The following PRR27 variants were observed in gnomAD, a reference collection of about 807,000 sequenced individuals.
The protein encoded by PRR27 is proline-rich protein 27.
Under a neutral mutation model 16.8 loss-of-function variants are expected in PRR27, and 12 were observed. The ratio of observed to expected loss-of-function variants is 0.71; its 90% CI spans 0.46 to 1.16. The LOEUF (loss-of-function observed/expected upper bound fraction) is 1.16, where lower values mean the gene tolerates loss of function less well. Among genes scored for constraint, PRR27 ranks in the 50% most tolerant of loss-of-function variants. The pLI, the probability that PRR27 is intolerant of heterozygous loss-of-function variation, is 0.00. For missense variants in PRR27, 277 were observed against 273.3 expected, an observed-to-expected ratio of 1.01 and a Z score of -0.10; for synonymous variants, 100 against 98.4, an observed-to-expected ratio of 1.02 and a Z score of -0.10.
At chr4:70,162,267 C>G (rs573394069) in intron 4 of PRR27, among the ~76,000 whole-genome samples, 99 of 152,196 alleles carry the variant, frequency 6.5e-4, no homozygotes, top group African/African-American at 2.3e-3. Context: ...TGACTGTCAG[C>G]CAAATCAAAG....
intron 2 of PRR27, among the ~76,000 whole-genome samples, chr4:70,156,587 C>G (rs1232516774): frequency 6.6e-6 from 1 of 152,176 alleles, no homozygotes; most frequent in East Asian, 1.9e-4. Flanking sequence ...TAAATTATCT[C>G]TATGAGACCA....
chr4:70,157,755 G>A (rs191512972), intron 2 of PRR27, among the ~76,000 whole-genome samples: 110 of 152,210 alleles, frequency 7.2e-4, no homozygotes, highest in Non-Finnish European at 8.8e-4. Flanking sequence ...TCTTGACCTC[G>A]TGATCCGCCC....
In PRR27 at chr4:70,156,102, CA is replaced by C. The variant is rs531298252; in HGVS notation, c.75+27del. The stretch of plus-strand genomic sequence containing the variant: ...GGTAAAACTTTTTTTTCTTTACACG[CA>C]AGTATATTTGTTTTTATCTTAAAAT... On this transcript the variant is annotated intron_variant, in intron 2 of 4. Coordinates refer to ENST00000344526, the MANE Select transcript of PRR27 (RefSeq NM_214711.4). 1.4e-4 allele frequency: 188 copies of C among 1,304,682 alleles called. 2 individuals carry two copies. In the African/African-American group the frequency reaches 2.7e-3, roughly 18 times the overall value. The allele number at this position is 1,304,682 out of a possible 1,614,324, so 80.8% of individuals were successfully genotyped here.
At chr4:70,162,107 A>G (rs1231505930) in intron 4 of PRR27, among the ~76,000 whole-genome samples, 1 of 152,200 alleles carries the variant, frequency 6.6e-6, no homozygotes, top group East Asian at 1.9e-4. Flanking sequence ...AGGCACAAAC[A>G]AACAGCTCAA....
chr4:70,166,542 C>G lies in PRR27; in HGVS notation c.*3881C>G, dbSNP rs942363254. ...TATGACACCAATAAGAACATTTTCT[C>G]TAACCATTTTGAATACGAATAACCA... On this transcript the variant is annotated 3_prime_UTR_variant, in exon 5 of 5. Transcript: ENST00000344526. 6.6e-6 allele frequency: 1 copy of G among 152,028 alleles called. No individual in the cohort carries two copies. Among genetic ancestry groups the G allele is most frequent in the African/African-American group, 2.4e-5 (1 of 41,434 alleles). The allele number at this position is 152,028 out of a possible 1,614,324, so 9.4% of individuals were successfully genotyped here.
rs903879166 is a variant in PRR27 at position 70,164,381 on chromosome 4, T to G, written c.*1720T>G. On this transcript the variant is annotated 3_prime_UTR_variant, in exon 5 of 5. Coordinates refer to ENST00000344526, the MANE Select transcript of PRR27 (RefSeq NM_214711.4). The stretch of plus-strand genomic sequence containing the variant: ...TTTTTATTTTGAAATAATTTTGTAT[T>G]TTTCCCTATATCCTACATTGGATCA... 1 of 152,174 alleles carries G rather than the reference T, an allele frequency of 6.6e-6. No homozygotes were observed. Among genetic ancestry groups the G allele is most frequent in the Non-Finnish European group, 1.5e-5 (1 of 68,032 alleles). The allele number at this position is 152,174 out of a possible 1,614,324, so 9.4% of individuals were successfully genotyped here. A position where few individuals can be genotyped will look rare whatever the true frequency, so the allele number is the denominator to read the frequency against.
chr4:70,161,273 A>C (rs556802017), intron 3 of PRR27, among the ~76,000 whole-genome samples: 1 of 148,704 alleles, frequency 6.7e-6, no homozygotes, highest in Non-Finnish European at 1.5e-5. Context: ...GAAGGAAATG[A>C]TAGAAAGTGA....
intron 3 of PRR27, among the ~76,000 whole-genome samples, chr4:70,160,060 A>C (rs1478105182): frequency 6.6e-6 from 1 of 152,132 alleles, no homozygotes; most frequent in Non-Finnish European, 1.5e-5. Context: ...TTTTAGATAC[A>C]GGGATTACAT....
intron 4 of PRR27, among the ~76,000 whole-genome samples, chr4:70,162,042 A>G (rs981296414): frequency 6.6e-6 from 1 of 152,210 alleles, no homozygotes; most frequent in Non-Finnish European, 1.5e-5. Flanking sequence ...CTACTGTTTT[A>G]GAAAACAAAC....
Position 70,166,596 on chromosome 4 carries a change from T to A in PRR27, c.*3935T>A, listed in dbSNP as rs1047336988. 6.6e-6 allele frequency: 1 copy of A among 152,068 alleles called. No homozygotes were observed. Among genetic ancestry groups the A allele is most frequent in the Non-Finnish European group, 1.5e-5 (1 of 67,950 alleles). The allele number at this position is 152,068 out of a possible 1,614,324, so 9.4% of individuals were successfully genotyped here. On this transcript the variant is annotated 3_prime_UTR_variant, in exon 5 of 5. Coordinates refer to ENST00000344526, the MANE Select transcript of PRR27 (RefSeq NM_214711.4). The stretch of plus-strand genomic sequence containing the variant: ...ATTCTAATAGCAAACATTATTAAAA[T>A]ATTATTGAAATAACTAACTGAAGTA...
rs1298386504 is a variant in PRR27, at chr4:70,160,443, C to CTCTCTCTCTCTCTGTGTGTGTGTG, written c.649-1142_649-1141insCTCTCTCTCTCTGTGTGTGTGTGT. 5.6e-3 allele frequency among the ~76,000 whole-genome samples: 382 copies of CTCTCTCTCTCTCTGTGTGTGTGTG among 68,630 alleles called. 4 individuals carry two copies. The highest frequency in any genetic ancestry group is 0.014 in the Middle Eastern group (1 of 72). The allele number at this position is 68,630 out of a possible 152,430, so 45.0% of individuals were successfully genotyped here. Reference sequence around the variant, plus strand: ...TCTCTCTCTCTCTCTCTCTCTCTCTCTGTGTGTGTGTGTGTGTGTGTGTGT... The same window carrying CTCTCTCTCTCTCTGTGTGTGTGTG: ...TCTCTCTCTCTCTCTCTCTCTCTCTCTCTCTCTCTCTCTGTGTGTGTGTGTGTGTGTGTGTGTGTGTGTGTGTGT... On this transcript the variant is annotated intron_variant, in intron 3 of 4. Transcript: ENST00000344526.
rs72148610 is a variant in PRR27 at position 70,155,693 on chromosome 4, G to GCACACA, written c.52-343_52-338dup. 7.8e-3 allele frequency among the ~76,000 whole-genome samples: 1,169 copies of GCACACA among 150,372 alleles called. 15 individuals carry two copies. Among genetic ancestry groups the GCACACA allele is most frequent in the African/African-American group, 0.026 (1,077 of 40,854 alleles). ...AAAGGCCACACTTTAACACACAGATGCACACACACACACACACACACACCA... is the reference window on the plus strand; with the variant it reads ...AAAGGCCACACTTTAACACACAGATGCACACACACACACACACACACACACACACCA... On this transcript the variant is annotated intron_variant, in intron 1 of 4. Coordinates refer to ENST00000344526, the MANE Select transcript of PRR27 (RefSeq NM_214711.4).
chr4:70,155,971 C>A (rs1728466725), intron 1 of PRR27, 83 bp from the exon 2 acceptor site: 4 of 879,652 alleles, frequency 4.5e-6, no homozygotes, highest in East Asian at 5.8e-5. Context: ...TTAAGCTTTG[C>A]AAATTTTTCA....
chr4:70,156,872 ATT>A (rs67755220), intron 2 of PRR27, among the ~76,000 whole-genome samples: 7,271 of 151,796 alleles, frequency 0.048, 319 homozygotes, highest in African/African-American at 0.11. Context: ...ATTATTTTGA[ATT>A]TTTTTTTGCA....
Position 70,164,068 on chromosome 4 carries a change from G to A in PRR27, c.*1407G>A, listed in dbSNP as rs1728708588. 1 of 151,946 alleles carries A rather than the reference G, an allele frequency of 6.6e-6. No individual in the cohort carries two copies. The highest frequency in any genetic ancestry group is 1.5e-5 in the Non-Finnish European group (1 of 67,958). The allele number at this position is 151,946 out of a possible 1,614,324, so 9.4% of individuals were successfully genotyped here. On this transcript the variant is annotated 3_prime_UTR_variant, in exon 5 of 5. Transcript: ENST00000344526. ...CCTCTTCTGCAACCCAGTGCTTTTT[G>A]TTCTATTACTGACTTCTTTTCCTTG...
In PRR27 at chr4:70,166,135, T is replaced by A. The variant is rs1475769270; in HGVS notation, c.*3474T>A. 6.6e-6 allele frequency: 1 copy of A among 152,120 alleles called. No individual in the cohort carries two copies. Among genetic ancestry groups the A allele is most frequent in the Admixed American group, 6.6e-5 (1 of 15,264 alleles). The allele number at this position is 152,120 out of a possible 1,614,324, so 9.4% of individuals were successfully genotyped here. On this transcript the variant is annotated 3_prime_UTR_variant, in exon 5 of 5. Coordinates refer to ENST00000344526, the MANE Select transcript of PRR27 (RefSeq NM_214711.4). ...TACTCAACATTTATATTTCTGAGACTTTTCACATTTTTGAATGTATTCATA... is the reference window on the plus strand; with the variant it reads ...TACTCAACATTTATATTTCTGAGACATTTCACATTTTTGAATGTATTCATA...
At chr4:70,157,703 C>G (rs1728520299) in intron 2 of PRR27, among the ~76,000 whole-genome samples, 1 of 151,782 alleles carries the variant, frequency 6.6e-6, no homozygotes, top group Non-Finnish European at 1.5e-5. Context: ...GTATTTTTAG[C>G]AGAGTTGGAG....
intron 3 of PRR27, among the ~76,000 whole-genome samples, chr4:70,159,985 A>G (rs1728601364): frequency 6.6e-6 from 1 of 151,948 alleles, no homozygotes; most frequent in Non-Finnish European, 1.5e-5. Flanking sequence ...ATATCTTCAT[A>G]TAATTAATCA....
intron 3 of PRR27, among the ~76,000 whole-genome samples, chr4:70,160,439 C>CTGTGTGTGTG (rs1408228186): frequency 0.042 from 3,626 of 86,776 alleles, 75 homozygotes; most frequent in South Asian, 0.072. Flanking sequence ...CTCTCTCTCT[C>CTGTGTGTGTG]TCTCTGTGTG....
Sources: allele counts gnomAD v4.1 joint callset (sites outside exome capture counted in the v4.1 genomes callset), GRCh38; gene constraint gnomAD v4.1.1; transcripts MANE v1.5; gene names NCBI Gene and HGNC (gene_info 2026-07-23, HGNC 2026-07-21).